Variants in CXCL13 observed in about 807,000 individuals in gnomAD.
CXCL13 encodes C-X-C motif chemokine 13.
A neutral mutation model predicts 12.2 loss-of-function variants in CXCL13; 7 were observed. That is an observed-to-expected ratio of 0.57 (90% CI 0.33 to 1.07). The LOEUF (loss-of-function observed/expected upper bound fraction) is 1.07, where lower values mean the gene tolerates loss of function less well. CXCL13 is among the 50% of genes least tolerant of loss of function. The pLI is 0.04. For synonymous variants in CXCL13, 47 were observed against 42.4 expected (o/e 1.11, Z -0.42); for missense variants, 113 against 127.4 (o/e 0.89, Z 0.55).
intron 1 of CXCL13, among the ~76,000 whole-genome samples, chr4:77,523,609 G>T (rs1370374946): frequency 6.6e-6 from 1 of 152,104 alleles, no homozygotes; most frequent in African/African-American, 2.4e-5. Context: ...TTAGCCATTT[G>T]TCTAACTTTT....
At chr4:77,519,589 A>T (rs1724523898) in intron 1 of CXCL13, among the ~76,000 whole-genome samples, 1 of 151,930 alleles carries the variant, frequency 6.6e-6, no homozygotes, top group African/African-American at 2.4e-5. Flanking sequence ...AATTTGTTTG[A>T]GTTCTTTGTA....
intron 1 of CXCL13, among the ~76,000 whole-genome samples, chr4:77,580,975 C>G (rs988012107): frequency 6.6e-6 from 1 of 151,690 alleles, no homozygotes; most frequent in Admixed American, 6.6e-5. Context: ...AAAAACCTAT[C>G]CCCTAAGTGA....
intron 1 of CXCL13, among the ~76,000 whole-genome samples, chr4:77,544,861 A>T (rs1314177236): frequency 6.6e-6 from 1 of 152,118 alleles, no homozygotes; most frequent in Non-Finnish European, 1.5e-5. Flanking sequence ...GTTTTCTTCT[A>T]GGGTTTTTAT....
intron 1 of CXCL13, among the ~76,000 whole-genome samples, chr4:77,584,652 A>G (rs1250579170): frequency 6.6e-6 from 1 of 152,160 alleles, no homozygotes; most frequent in East Asian, 1.9e-4. Context: ...CTGAGGAGTG[A>G]GCTGAGTTGG....
intron 1 of CXCL13, among the ~76,000 whole-genome samples, chr4:77,567,430 A>G (rs1244731860): frequency 6.6e-6 from 1 of 152,224 alleles, no homozygotes; most frequent in African/African-American, 2.4e-5. Context: ...AACTCTCCAC[A>G]CAAATACTTA....
intron 1 of CXCL13, among the ~76,000 whole-genome samples, chr4:77,590,204 C>A (rs960250837): frequency 6.6e-6 from 1 of 152,128 alleles, no homozygotes; most frequent in African/African-American, 2.4e-5. Flanking sequence ...AATTGCTAAC[C>A]ACCTACCACA....
chr4:77,522,774 C>G (rs970468396), intron 1 of CXCL13, among the ~76,000 whole-genome samples: 1 of 151,626 alleles, frequency 6.6e-6, no homozygotes, highest in Non-Finnish European at 1.5e-5. Flanking sequence ...GGCTATTTTG[C>G]CCGTTTATTG....
intron 1 of CXCL13, among the ~76,000 whole-genome samples, chr4:77,597,961 T>C (rs780139024): frequency 6.6e-6 from 1 of 152,178 alleles, no homozygotes; most frequent in Non-Finnish European, 1.5e-5. Flanking sequence ...GGCAAGCCAC[T>C]AAAGCAGCAG....
chr4:77,580,919 C>T (rs938169819), intron 1 of CXCL13, among the ~76,000 whole-genome samples: 1 of 150,584 alleles, frequency 6.6e-6, no homozygotes, highest in South Asian at 2.1e-4. Context: ...AAAATCCCTC[C>T]AAATTTTTCA....
intron 1 of CXCL13, among the ~76,000 whole-genome samples, chr4:77,567,086 A>C (rs972204887): frequency 6.6e-6 from 1 of 151,874 alleles, no homozygotes; most frequent in African/African-American, 2.4e-5. Flanking sequence ...CACCCTCTCC[A>C]CCCTTGAGAA....
At chr4:77,553,722 A>G (rs1725587352) in intron 1 of CXCL13, among the ~76,000 whole-genome samples, 1 of 152,212 alleles carries the variant, frequency 6.6e-6, no homozygotes, top group South Asian at 2.1e-4. Flanking sequence ...CCTTCTTGAA[A>G]TGAAGCTCAA....
chr4:77,525,126 A>T (rs1352097408), intron 1 of CXCL13, among the ~76,000 whole-genome samples: 2 of 152,126 alleles, frequency 1.3e-5, no homozygotes, highest in Non-Finnish European at 2.9e-5. Flanking sequence ...CCATTATAGG[A>T]TGATGCAGCA....
chr4:77,565,313 T>G (rs1437469424), intron 1 of CXCL13, among the ~76,000 whole-genome samples: 1 of 152,200 alleles, frequency 6.6e-6, no homozygotes, highest in East Asian at 1.9e-4. Context: ...CACAGGGCTC[T>G]TGCACACACA....
intron 1 of CXCL13, among the ~76,000 whole-genome samples, chr4:77,560,987 C>G (rs1044392544): frequency 6.6e-6 from 1 of 152,148 alleles, no homozygotes; most frequent in African/African-American, 2.4e-5. Flanking sequence ...CTGGGAACCC[C>G]AGGCAGTTAA....
chr4:77,588,846 A>G (rs1011705128), intron 1 of CXCL13, among the ~76,000 whole-genome samples: 3 of 152,206 alleles, frequency 2.0e-5, no homozygotes, highest in Admixed American at 1.3e-4. Flanking sequence ...GCTCACTACT[A>G]TTAAAACCAC....
intron 1 of CXCL13, among the ~76,000 whole-genome samples, chr4:77,596,268 C>T (rs77280674): frequency 0.039 from 5,945 of 152,156 alleles, 367 homozygotes; most frequent in African/African-American, 0.13. Flanking sequence ...TGAGTAAGAC[C>T]ATCTCTGTAT....
intron 1 of CXCL13, among the ~76,000 whole-genome samples, chr4:77,581,503 T>C (rs370045467): frequency 1.3e-5 from 2 of 152,130 alleles, no homozygotes; most frequent in East Asian, 3.8e-4. Context: ...GCTCAAGGGA[T>C]CTTGGGATCC....
At chr4:77,571,227 G>C (rs1201055781) in intron 1 of CXCL13, among the ~76,000 whole-genome samples, 1 of 149,018 alleles carries the variant, frequency 6.7e-6, no homozygotes, top group East Asian at 2.0e-4. Context: ...GAATGCGCCA[G>C]TCAACACTCT....
intron 1 of CXCL13, among the ~76,000 whole-genome samples, chr4:77,600,524 T>G (rs1224094931): frequency 6.6e-6 from 1 of 152,142 alleles, no homozygotes; most frequent in Non-Finnish European, 1.5e-5. Context: ...GATGATGACT[T>G]ATTATCTACA....
Sources: gnomAD v4.1 joint callset for allele counts (sites outside exome capture counted in the v4.1 genomes callset) on GRCh38, gnomAD v4.1.1 for gene constraint, MANE v1.5 for transcripts, NCBI Gene and HGNC (gene_info 2026-07-23, HGNC 2026-07-21) for gene names.